The following TLL1 variants were observed in gnomAD, a reference collection of about 807,000 sequenced individuals.
TLL1 encodes tolloid like 1.
A neutral mutation model predicts 128.2 loss-of-function variants in TLL1; 49 were observed. That is an observed-to-expected ratio of 0.38 (90% CI 0.30 to 0.48). The LOEUF (loss-of-function observed/expected upper bound fraction) is 0.48, where lower values mean the gene tolerates loss of function less well. TLL1 is among the 20% of genes least tolerant of loss of function. The pLI is 0.96. For synonymous variants in TLL1, 454 were observed against 418.8 expected, an observed-to-expected ratio of 1.08 and a Z score of -1.03; for missense variants, 1,123 against 1,242.0, an observed-to-expected ratio of 0.90 and a Z score of 1.44.
intron 1 of TLL1, among the ~76,000 whole-genome samples, chr4:165,977,480 G>A (rs1735942262): frequency 6.6e-6 from 1 of 152,088 alleles, no homozygotes; most frequent in Admixed American, 6.5e-5. Context: ...AAATTACCCA[G>A]TCATGAATAT....
chr4:165,900,120 ATG>A (rs1177873852), intron 1 of TLL1, among the ~76,000 whole-genome samples: 2 of 140,006 alleles, frequency 1.4e-5, no homozygotes, highest in Non-Finnish European at 3.1e-5. Context: ...TTTTGAGCCT[ATG>A]TGTGTCTTTG....
Position 166,103,902 on chromosome 4 carries a change from G to T in TLL1, c.*3026G>T, listed in dbSNP as rs145245431. 247 of 149,606 alleles carry T rather than the reference G, an allele frequency of 1.7e-3. No individual in the cohort carries two copies. The highest frequency in any genetic ancestry group is 5.7e-3 in the African/African-American group (232 of 40,904). 9.3% of individuals were successfully genotyped at this position (149,606 alleles called of 1,614,324 possible). On this transcript the variant is annotated 3_prime_UTR_variant, in exon 21 of 21. Coordinates refer to ENST00000061240, the MANE Select transcript of TLL1 (RefSeq NM_012464.5). ...TAAATTATTTTTAAAAGTCAATTTT[G>T]AAAATAACTGTATTTTATTAAGGAG...
chr4:166,001,544 A>T (rs1489041946), intron 5 of TLL1, among the ~76,000 whole-genome samples: 2 of 152,042 alleles, frequency 1.3e-5, no homozygotes, highest in East Asian at 3.9e-4. Flanking sequence ...CACACTTGTA[A>T]TCCAAGCACT....
intron 15 of TLL1, among the ~76,000 whole-genome samples, chr4:166,061,802 T>A (rs1740327543): frequency 6.6e-6 from 1 of 152,184 alleles, no homozygotes. Context: ...CATGCCTATG[T>A]TCTGAATGGT....
intron 15 of TLL1, among the ~76,000 whole-genome samples, chr4:166,061,599 G>A (rs1288983304): frequency 6.6e-6 from 1 of 151,868 alleles, no homozygotes; most frequent in African/African-American, 2.4e-5. Context: ...TAACCAAGGA[G>A]GTTTTAGCTT....
At position 166,051,217 on chromosome 4, in the gene TLL1, G is replaced by C. The variant is rs114857918; in HGVS notation, c.1525-3859G>C. 9.5e-3 allele frequency among the ~76,000 whole-genome samples: 1,451 copies of C among 152,124 alleles called. 26 individuals are homozygous for C. Among genetic ancestry groups the C allele is most frequent in the African/African-American group, 0.032 (1,315 of 41,510 alleles). On this transcript the variant is annotated intron_variant, in intron 12 of 20. Transcript: ENST00000061240. ...CTGTATCCATGCTTTAACTCAAAAA[G>C]AAACTGCTCTTTCTCTTTTCTTTTT... is the stretch of plus-strand genomic sequence containing the variant.
intron 1 of TLL1, among the ~76,000 whole-genome samples, chr4:165,933,610 A>C (rs1464247585): frequency 6.6e-6 from 1 of 152,136 alleles, no homozygotes; most frequent in Non-Finnish European, 1.5e-5. Flanking sequence ...CACAGGACTT[A>C]GAGAAGTATC....
intron 1 of TLL1, among the ~76,000 whole-genome samples, chr4:165,911,560 T>A (rs1176156625): frequency 6.6e-6 from 1 of 152,186 alleles, no homozygotes; most frequent in Non-Finnish European, 1.5e-5. Flanking sequence ...TTCCTTGATA[T>A]AGGAAAGCAG....
chr4:166,045,232 T>C (rs1739410076), intron 12 of TLL1, among the ~76,000 whole-genome samples: 1 of 152,212 alleles, frequency 6.6e-6, no homozygotes, highest in Admixed American at 6.5e-5. Flanking sequence ...ATTTATATGT[T>C]AGACATATTT....
chr4:166,101,096 A>G lies in TLL1; in HGVS notation c.*220A>G. 1 of 532,508 alleles carries G rather than the reference A, an allele frequency of 1.9e-6. No homozygotes were observed. The highest frequency in any genetic ancestry group is 3.3e-6 in the Non-Finnish European group (1 of 302,926). The allele number at this position is 532,508 out of a possible 1,614,324, so 33.0% of individuals were successfully genotyped here. On this transcript the variant is annotated 3_prime_UTR_variant, in exon 21 of 21. Coordinates refer to ENST00000061240, the MANE Select transcript of TLL1 (RefSeq NM_012464.5). ...ACTCCATGCTTGATGGTATTAATAA[A>G]GCTGGTGAAAGGGCATCATATACTT...
At position 166,078,046 on chromosome 4, in the gene TLL1, CT is replaced by C. The variant is rs774793617; in HGVS notation, c.2442+21del. ...AATCAAATTAGTAAGTGAGCACATC[CT>C]TTTTCTTTCCATTAAGCTGACTGCC... is the stretch of plus-strand genomic sequence containing the variant. On this transcript the variant is annotated intron_variant, in intron 18 of 20. Coordinates refer to ENST00000061240, the MANE Select transcript of TLL1 (RefSeq NM_012464.5). 8.1e-6 allele frequency: 13 copies of C among 1,612,952 alleles called. No homozygotes were observed. In the South Asian group the frequency reaches 1.4e-4, roughly 18 times the overall value.
At chr4:165,983,644 A>T (rs115856376) in intron 1 of TLL1, among the ~76,000 whole-genome samples, 18 of 152,002 alleles carry the variant, frequency 1.2e-4, no homozygotes, top group South Asian at 1.0e-3. Flanking sequence ...TTCCTGATTT[A>T]AAAAGTAATT....
At chr4:166,093,314 A>G (rs910483996) in intron 19 of TLL1, among the ~76,000 whole-genome samples, 4 of 152,152 alleles carry the variant, frequency 2.6e-5, no homozygotes, top group South Asian at 2.1e-4. Flanking sequence ...GGAGAAGGTC[A>G]GCAAGAAAAC....
At chr4:165,987,377 G>A (rs994122749) in intron 1 of TLL1, among the ~76,000 whole-genome samples, 1 of 152,044 alleles carries the variant, frequency 6.6e-6, no homozygotes, top group Non-Finnish European at 1.5e-5. Context: ...TTCTTGCGGG[G>A]GTCTGGCTTT....
At position 166,092,613 on chromosome 4, in the gene TLL1, C is replaced by T. The variant is rs755709582; in HGVS notation, c.2656+1272C>T. Reference sequence around the variant, plus strand: ...TACTTAATCAATATTTCACTGATAGCGCAGAGTTCATCAGATTTTAGAAAA... The same window carrying T: ...TACTTAATCAATATTTCACTGATAGTGCAGAGTTCATCAGATTTTAGAAAA... On this transcript the variant is annotated intron_variant, in intron 19 of 20. Coordinates refer to ENST00000061240, the MANE Select transcript of TLL1 (RefSeq NM_012464.5). 3.9e-5 allele frequency among the ~76,000 whole-genome samples: 6 copies of T among 152,096 alleles called. No homozygotes were observed. In the East Asian group the frequency reaches 7.7e-4, roughly 20 times the overall value.
At chr4:166,100,596 G>T in intron 20 of TLL1, 146 bp from the exon 21 acceptor site, 1 of 1,050,566 alleles carries the variant, frequency 9.5e-7, no homozygotes, top group Non-Finnish European at 1.4e-6. Context: ...ATAAAGTGAA[G>T]AAGTTGATTA....
intron 16 of TLL1, among the ~76,000 whole-genome samples, chr4:166,066,109 G>T (rs1579699399): frequency 6.9e-6 from 1 of 145,714 alleles, no homozygotes; most frequent in East Asian, 2.0e-4. Context: ...TTTGCTTTGT[G>T]TTCGGAAAAT....
chr4:166,009,770 G>T (rs1358906561), intron 7 of TLL1, among the ~76,000 whole-genome samples: 2 of 150,988 alleles, frequency 1.3e-5, no homozygotes, highest in Non-Finnish European at 3.0e-5. Context: ...TTTGACATAG[G>T]TCTCATTCTG....
At chr4:166,016,120 T>C (rs1314863798) in intron 8 of TLL1, among the ~76,000 whole-genome samples, 1 of 152,068 alleles carries the variant, frequency 6.6e-6, no homozygotes, top group Non-Finnish European at 1.5e-5. Context: ...GTTGCATTCA[T>C]ATTTACGTAA....
Sources: allele counts gnomAD v4.1 joint callset (sites outside exome capture counted in the v4.1 genomes callset), GRCh38; gene constraint gnomAD v4.1.1; transcripts MANE v1.5; gene names NCBI Gene and HGNC (gene_info 2026-07-23, HGNC 2026-07-21).